The following ENOX1 variants were observed in gnomAD, a reference collection of about 807,000 sequenced individuals.
The protein encoded by ENOX1 is candidate growth-related and time keeping constitutive hydroquinone (NADH) oxidase.
Under a neutral mutation model 82.5 loss-of-function variants are expected in ENOX1, and 42 were observed. The observed-to-expected ratio is 0.51, with a 90% CI of 0.40 to 0.66. ENOX1 has a LOEUF of 0.66. ENOX1 is among the 30% of genes least tolerant of loss of function. ENOX1 has a pLI of 0.00. For missense variants in ENOX1, 608 were observed against 811.6 expected (o/e 0.75, Z 3.05); for synonymous variants, 271 against 282.2 (o/e 0.96, Z 0.40).
chr13:43,566,579 A>G (rs1337195014), intron 2 of ENOX1, among the ~76,000 whole-genome samples: 1 of 152,030 alleles, frequency 6.6e-6, no homozygotes, highest in East Asian at 1.9e-4. Flanking sequence ...ATTTTAAAAA[A>G]TACTTCTATC....
chr13:43,705,361 A>ATT (rs148215485), intron 1 of ENOX1, among the ~76,000 whole-genome samples: 6 of 1,482 alleles, frequency 4.0e-3, no homozygotes, highest in Non-Finnish European at 6.4e-3. Flanking sequence ...ATATATATAT[A>ATT]TGTAACACTC....
chr13:43,239,721 T>C (rs2042723168), intron 14 of ENOX1, among the ~76,000 whole-genome samples: 2 of 152,210 alleles, frequency 1.3e-5, no homozygotes, highest in Non-Finnish European at 1.5e-5. Flanking sequence ...GCTTATGTCA[T>C]CCATTTTGCC....
intron 1 of ENOX1, among the ~76,000 whole-genome samples, chr13:43,772,136 A>G (rs1404468795): frequency 6.6e-6 from 1 of 152,084 alleles, no homozygotes; most frequent in South Asian, 2.1e-4. Context: ...AATTTCCATC[A>G]GTTCCAAAGT....
chr13:43,464,352 G>C (rs2057624999), intron 3 of ENOX1, among the ~76,000 whole-genome samples: 1 of 152,154 alleles, frequency 6.6e-6, no homozygotes, highest in Non-Finnish European at 1.5e-5. Flanking sequence ...AAGGGCCCCA[G>C]AAGATATGTT....
At chr13:43,382,256 C>T (rs1487903529) in intron 5 of ENOX1, among the ~76,000 whole-genome samples, 3 of 152,064 alleles carry the variant, frequency 2.0e-5, no homozygotes, top group Admixed American at 1.3e-4. Context: ...GAGAAACACA[C>T]ACACACGATC....
At chr13:43,359,784 T>A (rs1425949582) in intron 7 of ENOX1, 67 bp downstream of exon 7, 14 of 1,438,956 alleles carry the variant, frequency 9.7e-6, no homozygotes, top group Non-Finnish European at 1.3e-5. Flanking sequence ...CCAAAGGGAA[T>A]AAGCTCATAT....
At chr13:43,584,242 T>C (rs1004612339) in intron 2 of ENOX1, among the ~76,000 whole-genome samples, 1 of 152,170 alleles carries the variant, frequency 6.6e-6, no homozygotes, top group African/African-American at 2.4e-5. Context: ...GATGGAACTG[T>C]TGGTTTCATT....
At chr13:43,764,260 A>G (rs192476076) in intron 1 of ENOX1, among the ~76,000 whole-genome samples, 64 of 152,318 alleles carry the variant, frequency 4.2e-4, no homozygotes, top group African/African-American at 1.4e-3. Context: ...CTACAAAAAC[A>G]TATTCTAACA....
At chr13:43,482,280 T>G (rs953042470) in intron 3 of ENOX1, among the ~76,000 whole-genome samples, 2 of 152,144 alleles carry the variant, frequency 1.3e-5, no homozygotes, top group Non-Finnish European at 2.9e-5. Context: ...ATGGTCTATA[T>G]GTAGAACAGA....
chr13:43,245,660 C>T (rs1257533919), intron 14 of ENOX1, among the ~76,000 whole-genome samples: 3 of 152,110 alleles, frequency 2.0e-5, no homozygotes, highest in South Asian at 2.1e-4. Flanking sequence ...TCCCGAGGGT[C>T]GTGGGCTCTC....
intron 2 of ENOX1, among the ~76,000 whole-genome samples, chr13:43,661,012 A>C (rs2084692183): frequency 6.6e-6 from 1 of 152,204 alleles, no homozygotes; most frequent in Non-Finnish European, 1.5e-5. Context: ...AGCTTAGTTC[A>C]CTACCATCTT....
At chr13:43,530,861 T>G (rs1039578299) in intron 2 of ENOX1, among the ~76,000 whole-genome samples, 1 of 152,040 alleles carries the variant, frequency 6.6e-6, no homozygotes, top group African/African-American at 2.4e-5. Context: ...AATTATATCA[T>G]TGGGTACCAT....
chr13:43,314,738 T>C (rs1448126988), intron 11 of ENOX1, among the ~76,000 whole-genome samples: 5 of 152,182 alleles, frequency 3.3e-5, no homozygotes, highest in Non-Finnish European at 2.9e-5. Flanking sequence ...AGAAAATCAA[T>C]AGATACTATT....
chr13:43,276,235 G>A lies in ENOX1; in HGVS notation c.1447-6658C>T, dbSNP rs1017486358. Among the ~76,000 whole-genome samples, 7 of 152,188 alleles carry A rather than the reference G, an allele frequency of 4.6e-5. No individual in the cohort carries two copies. In the South Asian group the frequency reaches 8.3e-4, roughly 18 times the overall value. On this transcript the variant is annotated intron_variant, in intron 12 of 16. Coordinates refer to ENST00000690772, the MANE Select transcript of ENOX1 (RefSeq NM_001347969.2). ...CAAAGGCGATGGTGGGTGTGACTGC[G>A]TCTGATGGTCTCATCCCAGCAGTCC... is the stretch of plus-strand genomic sequence containing the variant.
chr13:43,768,448 C>A (rs73189982), intron 1 of ENOX1, among the ~76,000 whole-genome samples: 16,083 of 151,978 alleles, frequency 0.11, 1,484 homozygotes, highest in African/African-American at 0.25. Flanking sequence ...CAACAAAACA[C>A]AACAAAACAA....
intron 12 of ENOX1, among the ~76,000 whole-genome samples, chr13:43,285,846 CTCT>C (rs1307562623): frequency 6.7e-6 from 1 of 149,976 alleles, no homozygotes; most frequent in Non-Finnish European, 1.5e-5. Context: ...GAATTCCCCC[CTCT>C]TCTTCTTTCT....
At chr13:43,749,729 TCACTC>T (rs61476253) in intron 1 of ENOX1, among the ~76,000 whole-genome samples, 3,291 of 152,338 alleles carry the variant, frequency 0.022, 133 homozygotes, top group African/African-American at 0.076. Context: ...AACAAGCACT[TCACTC>T]CTCTCCATCT....
At chr13:43,771,933 A>ATTTT (rs34718451) in intron 1 of ENOX1, among the ~76,000 whole-genome samples, 66 of 100,956 alleles carry the variant, frequency 6.5e-4, no homozygotes, top group East Asian at 4.8e-3. Context: ...CGCCCGGCTA[A>ATTTT]TTTTTTTTTT....
chr13:43,424,466 A>T (rs1346286399), intron 3 of ENOX1, among the ~76,000 whole-genome samples: 1 of 152,230 alleles, frequency 6.6e-6, no homozygotes, highest in African/African-American at 2.4e-5. Flanking sequence ...CCTGCAATAA[A>T]ACCCAGATCA....
Sources: gnomAD v4.1 joint callset for allele counts (sites outside exome capture counted in the v4.1 genomes callset) on GRCh38, gnomAD v4.1.1 for gene constraint, MANE v1.5 for transcripts, NCBI Gene and HGNC (gene_info 2026-07-23, HGNC 2026-07-21) for gene names.